The following RNF111 variants were observed in gnomAD, a reference collection of about 807,000 sequenced individuals.
RNF111 encodes ring finger protein 111, also known as E3 ubiquitin-protein ligase Arkadia.
RNF111 carries 17 observed loss-of-function variants against 95.1 expected under a neutral mutation model. The observed-to-expected ratio is 0.18, with a 90% CI of 0.12 to 0.27. The LOEUF (loss-of-function observed/expected upper bound fraction) is 0.27. Among genes scored for constraint, RNF111 ranks in the 10% least tolerant of loss-of-function variants. The probability of loss-of-function intolerance (pLI) is 1.00; values close to 1 mark genes in which losing one functional copy is unlikely to be tolerated. For synonymous variants in RNF111, 440 were observed against 414.8 expected, an observed-to-expected ratio of 1.06 and a Z score of -0.74; for missense variants, 1,189 against 1,210.4, an observed-to-expected ratio of 0.98 and a Z score of 0.26.
rs201014242 is a variant in RNF111 at position 59,021,629 on chromosome 15, C to CTAT, written c.-19-9167_-19-9165dup. On this transcript the variant is annotated intron_variant, in intron 1 of 13. Coordinates refer to ENST00000348370, the MANE Select transcript of RNF111 (RefSeq NM_017610.8). ...GTTACGGAATTTTATGAGGTAAGTA[C>CTAT]TATTATTATTCCAATTTTATAGACT... Among the ~76,000 whole-genome samples, 703 of 152,168 alleles carry CTAT rather than the reference C, an allele frequency of 4.6e-3. 5 individuals are homozygous for CTAT. The highest frequency in any genetic ancestry group is 0.015 in the African/African-American group (625 of 41,504).
At chr15:59,007,705 T>C (rs1253151915) in intron 1 of RNF111, among the ~76,000 whole-genome samples, 1 of 152,194 alleles carries the variant, frequency 6.6e-6, no homozygotes, top group Non-Finnish European at 1.5e-5. Context: ...TTAGTCTTAT[T>C]GGGTGTGTAA....
intron 3 of RNF111, among the ~76,000 whole-genome samples, chr15:59,054,102 AT>A: frequency 6.6e-6 from 1 of 151,462 alleles, no homozygotes; most frequent in East Asian, 1.9e-4. Context: ...CACCTGGCTA[AT>A]TTTTTTTGTA....
intron 1 of RNF111, among the ~76,000 whole-genome samples, chr15:58,999,834 G>C (rs1292235177): frequency 1.3e-5 from 2 of 152,118 alleles, no homozygotes; most frequent in African/African-American, 2.4e-5. Context: ...GGAGGCCTCT[G>C]AGCTTTTACT....
intron 5 of RNF111, among the ~76,000 whole-genome samples, chr15:59,059,760 A>AGT (rs1301557914): frequency 1.3e-5 from 2 of 152,168 alleles, no homozygotes; most frequent in Non-Finnish European, 2.9e-5. Flanking sequence ...TGAGCCTTAA[A>AGT]CTAACTTTCT....
At chr15:59,094,467 C>T (rs1467503833) in intron 13 of RNF111, among the ~76,000 whole-genome samples, 1 of 152,144 alleles carries the variant, frequency 6.6e-6, no homozygotes, top group Non-Finnish European at 1.5e-5. Flanking sequence ...TATTATGTGA[C>T]AGGTAACATA....
intron 1 of RNF111, among the ~76,000 whole-genome samples, chr15:59,028,537 G>A (rs1244554090): frequency 6.6e-6 from 1 of 152,162 alleles, no homozygotes; most frequent in Non-Finnish European, 1.5e-5. Flanking sequence ...GTGAGTAACT[G>A]AAGCTGTGGA....
intron 1 of RNF111, among the ~76,000 whole-genome samples, chr15:58,993,623 T>C (rs2038917635): frequency 6.6e-6 from 1 of 152,220 alleles, no homozygotes; most frequent in Admixed American, 6.5e-5. Context: ...TTCGTTTCTA[T>C]TTGTAAATGT....
rs771944846 is a variant in RNF111 at position 59,076,150 on chromosome 15, A to G, written c.1883A>G (p.Gln628Arg). Residue 628 changes from glutamine (Q) to arginine (R), a missense_variant, in exon 7 of 14, where the codon CAG becomes CGG. Gln to Arg is a conservative substitution (Grantham distance 43). Around this residue, in one of 2 missense-constraint regions of RNF111, gnomAD observed 1,024 missense variants for 925.9 expected, o/e 1.11. Transcript: ENST00000348370. ...IDGYGSSMVA[Q>R]PQPQPPPQPS... is the part of the protein sequence containing the mutation. ...GGCTATGGATCAAGCATGGTTGCGC[A>G]GCCCCAGCCCCAGCCCCCTCCACAG... 1 of 1,613,892 alleles carries G rather than the reference A, an allele frequency of 6.2e-7. No individual in the cohort carries two copies. The highest frequency in any genetic ancestry group is 1.1e-5 in the South Asian group (1 of 91,082).
chr15:59,033,425 A>G (rs1308777748), intron 2 of RNF111, among the ~76,000 whole-genome samples: 2 of 152,192 alleles, frequency 1.3e-5, no homozygotes, highest in African/African-American at 4.8e-5. Context: ...GTTCATTTTG[A>G]TCATGTACAG....
chr15:59,090,433 T>G (rs996857157), intron 11 of RNF111, among the ~76,000 whole-genome samples: 3 of 152,202 alleles, frequency 2.0e-5, no homozygotes, highest in Non-Finnish European at 4.4e-5. Context: ...TTTTGCCATG[T>G]TGGCCAGGCT....
At chr15:59,025,061 C>G (rs919359599) in intron 1 of RNF111, among the ~76,000 whole-genome samples, 1 of 152,158 alleles carries the variant, frequency 6.6e-6, no homozygotes, top group Non-Finnish European at 1.5e-5. Flanking sequence ...TTTATCTATT[C>G]ATCACTTCAG....
intron 1 of RNF111, among the ~76,000 whole-genome samples, chr15:59,008,246 C>T (rs767076649): frequency 5.9e-5 from 9 of 152,178 alleles, no homozygotes; most frequent in Non-Finnish European, 1.3e-4. Flanking sequence ...AGACAAGAGT[C>T]TTTCTCTGTT....
intron 1 of RNF111, among the ~76,000 whole-genome samples, chr15:59,011,448 A>C (rs1176014252): frequency 6.6e-6 from 1 of 152,164 alleles, no homozygotes; most frequent in Admixed American, 6.5e-5. Context: ...TTTATTCCAC[A>C]GTGTATTAGT....
chr15:59,055,922 C>A, intron 4 of RNF111, 77 bp downstream of exon 4: 1 of 1,114,804 alleles, frequency 9.0e-7, no homozygotes, highest in Non-Finnish European at 1.2e-6. Context: ...CTAGAAACTC[C>A]TCCTGCTTAC....
At chr15:59,024,006 G>GA (rs1490989872) in intron 1 of RNF111, among the ~76,000 whole-genome samples, 1 of 151,958 alleles carries the variant, frequency 6.6e-6, no homozygotes, top group Non-Finnish European at 1.5e-5. Context: ...TAATATATAG[G>GA]AAAAAATCTT....
intron 6 of RNF111, among the ~76,000 whole-genome samples, chr15:59,068,908 C>G (rs1214325166): frequency 6.6e-6 from 1 of 151,932 alleles, no homozygotes; most frequent in African/African-American, 2.4e-5. Flanking sequence ...AACCCCATCT[C>G]TACTAAAAAT....
chr15:59,060,810 T>A lies in RNF111; in HGVS notation c.1366+2260T>A, dbSNP rs77978639. ...CATTATTATTATTATTATTATTATT[T>A]TTTTTTTTGTGAGACAGGTCTGACT... On this transcript the variant is annotated intron_variant, in intron 5 of 13. Transcript: ENST00000348370. Among the ~76,000 whole-genome samples, 870 of 124,944 alleles carry A rather than the reference T, an allele frequency of 7.0e-3. 6 individuals are homozygous for A. Among genetic ancestry groups the A allele is most frequent in the East Asian group, 0.018 (68 of 3,708 alleles). 82.0% of individuals were successfully genotyped at this position (124,944 alleles called of 152,430 possible). A position where few individuals can be genotyped will look rare whatever the true frequency, so the allele number is the denominator to read the frequency against.
In RNF111 at chr15:59,094,902, AC is replaced by A; in HGVS notation, c.*4del. Reference sequence around the variant, plus strand: ...GCCCAGCTGCCAAGTGAAAGTTGACACCATGTTTCAGAACTCTTGCCCTCCC... The same window carrying A: ...GCCCAGCTGCCAAGTGAAAGTTGACACATGTTTCAGAACTCTTGCCCTCCC... On this transcript the variant is annotated 3_prime_UTR_variant, in exon 14 of 14. Coordinates refer to ENST00000348370, the MANE Select transcript of RNF111 (RefSeq NM_017610.8). The A allele has an allele frequency of 1.3e-6, 2 of 1,545,540 alleles. No individual in the cohort carries two copies. Among genetic ancestry groups the A allele is most frequent in the Non-Finnish European group, 1.8e-6 (2 of 1,117,700 alleles).
chr15:59,018,501 A>G (rs1467242032), intron 1 of RNF111, among the ~76,000 whole-genome samples: 1 of 152,158 alleles, frequency 6.6e-6, no homozygotes, highest in Non-Finnish European at 1.5e-5. Flanking sequence ...CTCATAATTT[A>G]TTTCCTTAAA....
Sources: gnomAD v4.1 joint callset for allele counts (sites outside exome capture counted in the v4.1 genomes callset) on GRCh38, gnomAD v4.1.1 for gene constraint, gnomAD v4.1.1 regional missense constraint, MANE v1.5 for transcripts, NCBI Gene and HGNC (gene_info 2026-07-23, HGNC 2026-07-21) for gene names.